ST18: variants seen among roughly 807,000 people sequenced by gnomAD.
ST18 encodes the protein ST18 C2H2C-type zinc finger transcription factor, also known as suppression of tumorigenicity 18 protein.
In ST18, 50 loss-of-function variants were observed where a neutral mutation model predicts 110.0. The ratio of observed to expected loss-of-function variants is 0.45; its 90% CI spans 0.36 to 0.58. ST18 has a LOEUF of 0.58. Ranked by LOEUF, ST18 falls within the 20% of genes least tolerant of loss-of-function variation. The pLI, the probability that ST18 is intolerant of heterozygous loss-of-function variation, is 0.00. For missense variants in ST18, 1,306 were observed against 1,280.1 expected (o/e 1.02, Z -0.31); for synonymous variants, 461 against 452.4 (o/e 1.02, Z -0.24).
intron 15 of ST18, among the ~76,000 whole-genome samples, chr8:52,153,445 A>G (rs1041545452): frequency 1.3e-5 from 2 of 152,188 alleles, no homozygotes; most frequent in Non-Finnish European, 2.9e-5. Context: ...TATCTTTTCC[A>G]TACTGAAAGC....
chr8:52,306,674 A>G (rs2139632705), intron 2 of ST18, among the ~76,000 whole-genome samples: 1 of 152,314 alleles, frequency 6.6e-6, no homozygotes, highest in African/African-American at 2.4e-5. Flanking sequence ...ACTTGCTGGA[A>G]TGTGGTGGCC....
chr8:52,296,183 A>G (rs1359978948), intron 2 of ST18, among the ~76,000 whole-genome samples: 1 of 152,238 alleles, frequency 6.6e-6, no homozygotes, highest in African/African-American at 2.4e-5. Flanking sequence ...TAGATTTGAT[A>G]AAGAAAAACT....
chr8:52,136,946 C>T (rs1186195773), intron 18 of ST18, among the ~76,000 whole-genome samples: 2 of 152,186 alleles, frequency 1.3e-5, no homozygotes, highest in African/African-American at 4.8e-5. Flanking sequence ...CACACAGAGT[C>T]CATTCCTGCT....
At chr8:52,272,441 T>C (rs2095105464) in intron 2 of ST18, among the ~76,000 whole-genome samples, 1 of 152,140 alleles carries the variant, frequency 6.6e-6, no homozygotes, top group African/African-American at 2.4e-5. Context: ...AACAGGTATA[T>C]AGGTATAGAC....
chr8:52,236,211 A>G (rs575417650), intron 2 of ST18, among the ~76,000 whole-genome samples: 96 of 152,330 alleles, frequency 6.3e-4, no homozygotes, highest in African/African-American at 2.3e-3. Flanking sequence ...GACATTGCAT[A>G]GTTACAGCAT....
chr8:52,275,426 G>A (rs990956637), intron 2 of ST18, among the ~76,000 whole-genome samples: 14 of 152,128 alleles, frequency 9.2e-5, no homozygotes, highest in South Asian at 4.1e-4. Context: ...ACTTTGAAGC[G>A]ATTTTGTCTC....
chr8:52,162,169 T>A (rs2061630943), intron 13 of ST18, among the ~76,000 whole-genome samples: 1 of 152,052 alleles, frequency 6.6e-6, no homozygotes, highest in South Asian at 2.1e-4. Flanking sequence ...TGAGATCATG[T>A]CACTGCATTC....
intron 2 of ST18, among the ~76,000 whole-genome samples, chr8:52,289,759 G>A (rs1189612912): frequency 2.0e-5 from 3 of 152,122 alleles, no homozygotes; most frequent in Non-Finnish European, 4.4e-5. Flanking sequence ...GGGCTCATCA[G>A]CTTCTCTTTG....
intron 2 of ST18, among the ~76,000 whole-genome samples, chr8:52,280,089 T>C (rs936917633): frequency 6.6e-6 from 1 of 152,022 alleles, no homozygotes; most frequent in African/African-American, 2.4e-5. Flanking sequence ...TTTAAGAGAA[T>C]GGAGAAGGTG....
chr8:52,362,459 T>A (rs1467787341), intron 2 of ST18, among the ~76,000 whole-genome samples: 1 of 152,202 alleles, frequency 6.6e-6, no homozygotes, highest in Non-Finnish European at 1.5e-5. Flanking sequence ...GGCAAATTTA[T>A]CTTCTCTTTG....
chr8:52,221,104 TATC>T (rs2086533959), intron 4 of ST18, among the ~76,000 whole-genome samples: 5 of 151,352 alleles, frequency 3.3e-5, no homozygotes, highest in African/African-American at 1.2e-4. Context: ...TCTATCTATC[TATC>T]TATCTATCTA....
intron 2 of ST18, among the ~76,000 whole-genome samples, chr8:52,340,937 T>C (rs1022466156): frequency 6.6e-6 from 1 of 152,204 alleles, no homozygotes; most frequent in African/African-American, 2.4e-5. Context: ...TATGCCTCTT[T>C]CCTGAGTTTA....
intron 2 of ST18, chr8:52,254,284 C>T (rs2138465859): frequency 6.6e-6 from 1 of 152,294 alleles, no homozygotes; most frequent in East Asian, 1.9e-4. Context: ...TATTTCTCTC[C>T]TCCCTGGTGG....
chr8:52,354,160 G>C (rs1821639538), intron 2 of ST18, among the ~76,000 whole-genome samples: 1 of 152,206 alleles, frequency 6.6e-6, no homozygotes, highest in Non-Finnish European at 1.5e-5. Flanking sequence ...AAGGTCTTTT[G>C]CTTTTACTGA....
chr8:52,173,726 G>T (rs1001326239), intron 9 of ST18, among the ~76,000 whole-genome samples: 4 of 152,104 alleles, frequency 2.6e-5, no homozygotes, highest in African/African-American at 7.2e-5. Flanking sequence ...TCAAAAGCAG[G>T]GTGGGGGGAT....
At chr8:52,214,166 G>T in intron 7 of ST18, 37 bp downstream of exon 7, 2 of 1,607,072 alleles carry the variant, frequency 1.2e-6, no homozygotes, top group South Asian at 2.2e-5. Flanking sequence ...TCATGGTGTG[G>T]TGGGCATAGT....
chr8:52,302,428 A>G (rs1441068907), intron 2 of ST18, among the ~76,000 whole-genome samples: 1 of 152,136 alleles, frequency 6.6e-6, no homozygotes, highest in Non-Finnish European at 1.5e-5. Flanking sequence ...TTATGTGTGT[A>G]TGTTTATTTG....
chr8:52,280,411 T>C (rs975007298), intron 2 of ST18, among the ~76,000 whole-genome samples: 1 of 152,088 alleles, frequency 6.6e-6, no homozygotes, highest in Non-Finnish European at 1.5e-5. Flanking sequence ...CATGAACATA[T>C]ATACATGTAC....
chr8:52,277,567 T>G (rs111851908), intron 2 of ST18, among the ~76,000 whole-genome samples: 2 of 152,378 alleles, frequency 1.3e-5, no homozygotes, highest in African/African-American at 4.8e-5. Context: ...TGATCATCTA[T>G]GTTTTGCCTC....
Sources: gnomAD v4.1 joint callset for allele counts (sites outside exome capture counted in the v4.1 genomes callset) on GRCh38, gnomAD v4.1.1 for gene constraint, MANE v1.5 for transcripts, NCBI Gene and HGNC (gene_info 2026-07-23, HGNC 2026-07-21) for gene names.